CAB39L: variants seen among roughly 807,000 people sequenced by gnomAD.
CAB39L encodes calcium binding protein 39 like.
Under a neutral mutation model 39.1 loss-of-function variants are expected in CAB39L, and 23 were observed. The ratio of observed to expected loss-of-function variants is 0.59; its 90% CI spans 0.42 to 0.83. The LOEUF (loss-of-function observed/expected upper bound fraction) is 0.83, where lower values mean the gene tolerates loss of function less well. Ranked by LOEUF, CAB39L falls within the 40% of genes least tolerant of loss-of-function variation. The pLI is 0.00. For synonymous variants in CAB39L, 126 were observed against 137.2 expected, an observed-to-expected ratio of 0.92 and a Z score of 0.57; for missense variants, 366 against 391.9, an observed-to-expected ratio of 0.93 and a Z score of 0.56.
At chr13:49,442,897 T>C (rs1423058814) in intron 1 of CAB39L, among the ~76,000 whole-genome samples, 2 of 151,712 alleles carry the variant, frequency 1.3e-5, no homozygotes, top group South Asian at 2.1e-4. Flanking sequence ...GTTGATTAGG[T>C]TGTTCATCAG....
At position 49,346,085 on chromosome 13, in the gene CAB39L, T is replaced by TATGCTAC. The variant is rs1179443677; in HGVS notation, c.565-1848_565-1847insGTAGCAT. ...TATATATATATGCTAGATATATATA[T>TATGCTAC]ATATATATATGCTAGATATATATAT... On this transcript the variant is annotated intron_variant, in intron 7 of 10. Transcript: ENST00000409308. 6.1e-3 allele frequency among the ~76,000 whole-genome samples: 735 copies of TATGCTAC among 120,126 alleles called. 21 individuals are homozygous for TATGCTAC. Among genetic ancestry groups the TATGCTAC allele is most frequent in the South Asian group, 0.034 (118 of 3,492 alleles). The allele number at this position is 120,126 out of a possible 152,430, so 78.8% of individuals were successfully genotyped here.
At chr13:49,440,243 T>C (rs755459046) in intron 1 of CAB39L, among the ~76,000 whole-genome samples, 9 of 152,154 alleles carry the variant, frequency 5.9e-5, no homozygotes, top group Non-Finnish European at 8.8e-5. Flanking sequence ...CCATCTTGAA[T>C]TGATTTTTGT....
At chr13:49,432,529 CT>C (rs1316587761) in intron 3 of CAB39L, among the ~76,000 whole-genome samples, 1 of 152,082 alleles carries the variant, frequency 6.6e-6, no homozygotes, top group Non-Finnish European at 1.5e-5. Context: ...GACTCTTGCT[CT>C]TGGTGTTTTG....
intron 10 of CAB39L, among the ~76,000 whole-genome samples, chr13:49,328,379 C>T (rs1210178460): frequency 6.6e-6 from 1 of 152,146 alleles, no homozygotes; most frequent in Non-Finnish European, 1.5e-5. Flanking sequence ...AATCAGGTTT[C>T]CTCATCTGTA....
rs1260674766 is a variant in CAB39L, at chr13:49,377,823, G to A, written c.112-692C>T. ...TCTGCCCGGCCGCCACCCCGTCTGG[G>A]ATGTGAGGAGCCCCTCTGCCTGGCT... On this transcript the variant is annotated intron_variant, in intron 4 of 10. Transcript: ENST00000409308. 4.1e-5 allele frequency among the ~76,000 whole-genome samples: 4 copies of A among 96,640 alleles called. 1 individual carries two copies. The highest frequency in any genetic ancestry group is 3.2e-4 in the South Asian group (1 of 3,092). 63.4% of individuals were successfully genotyped at this position (96,640 alleles called of 152,430 possible).
chr13:49,408,009 T>G (rs9535233), intron 3 of CAB39L, among the ~76,000 whole-genome samples: 34,114 of 152,010 alleles, frequency 0.22, 3,867 homozygotes, highest in African/African-American at 0.23. Flanking sequence ...CTAAATAATT[T>G]GCGGACAAAA....
At chr13:49,387,397 G>A (rs1268282776) in intron 3 of CAB39L, among the ~76,000 whole-genome samples, 1 of 152,166 alleles carries the variant, frequency 6.6e-6, no homozygotes, top group Non-Finnish European at 1.5e-5. Flanking sequence ...GCAGGCAGTG[G>A]GGACAGGAAA....
chr13:49,329,940 T>C (rs1047452808), intron 10 of CAB39L, among the ~76,000 whole-genome samples: 1 of 152,120 alleles, frequency 6.6e-6, no homozygotes, highest in African/African-American at 2.4e-5. Context: ...TTTATCTAAC[T>C]GCATGCTGGT....
chr13:49,350,813 G>A lies in CAB39L; in HGVS notation c.495C>T (p.Phe165=). Residue 165 remains phenylalanine, a synonymous_variant, in exon 7 of 11, where the codon TTC becomes TTT. Coordinates refer to ENST00000409308, the MANE Select transcript of CAB39L (RefSeq NM_001079670.3). ...ACTCCACGTACTTAAAGAAATCTCTGAATTGATTAGAAAAGAGGATGATTT... is the reference window on the plus strand; with the variant it reads ...ACTCCACGTACTTAAAGAAATCTCTAAATTGATTAGAAAAGAGGATGATTT... The part of the protein sequence containing the change: ...LAKIILFSNQ[F]RDFFKYVELS... 1 of 1,611,138 alleles carries A rather than the reference G, an allele frequency of 6.2e-7. No individual in the cohort carries two copies. The highest frequency in any genetic ancestry group is 1.7e-4 in the Middle Eastern group (1 of 6,056).
chr13:49,316,490 C>G (rs1954162654), intron 10 of CAB39L, among the ~76,000 whole-genome samples: 1 of 152,044 alleles, frequency 6.6e-6, no homozygotes, highest in Non-Finnish European at 1.5e-5. Flanking sequence ...CCAGTATTAC[C>G]CAAATACCAA....
At chr13:49,400,064 G>T (rs1329377822) in intron 3 of CAB39L, among the ~76,000 whole-genome samples, 1 of 152,046 alleles carries the variant, frequency 6.6e-6, no homozygotes, top group African/African-American at 2.4e-5. Flanking sequence ...CCATTTTATG[G>T]TCTATCTAGG....
rs1246949042 is a variant in CAB39L, at chr13:49,434,233, T to C, written c.-245-10A>G. The C allele has an allele frequency of 2.2e-6, 1 of 449,374 alleles. No individual in the cohort carries two copies. Among genetic ancestry groups the C allele is most frequent in the Non-Finnish European group, 4.5e-6 (1 of 224,482 alleles). 27.8% of individuals were successfully genotyped at this position (449,374 alleles called of 1,614,324 possible). A position where few individuals can be genotyped will look rare whatever the true frequency, so the allele number is the denominator to read the frequency against. ...ATATTTGATGGATATCCTGCAATAA[T>C]GTAGGAAAAACAGCACAGGCTTTGG... On this transcript the variant is annotated splice_polypyrimidine_tract_variant and intron_variant, in intron 1 of 10. Transcript: ENST00000409308.
intron 9 of CAB39L, among the ~76,000 whole-genome samples, chr13:49,333,226 A>G (rs1333001786): frequency 6.6e-6 from 1 of 152,188 alleles, no homozygotes; most frequent in Non-Finnish European, 1.5e-5. Flanking sequence ...TCTCATACAC[A>G]TGGAATAGCA....
At position 49,376,999 on chromosome 13, in the gene CAB39L, G is replaced by T. The variant is rs1383732347; in HGVS notation, c.244C>A (p.Leu82Met). The change falls in exon 5 of 11, where the codon CTG becomes ATG. Residue 82 changes from leucine (L) to methionine (M), a missense_variant. Leu to Met is a conservative substitution (Grantham distance 15). Transcript: ENST00000409308. ...TCTATCAGCTGCAGGTCAGCTATCA[G>T]TGTCACTAGCAGGCCACTGCTGTAG... Reference protein sequence around the residue: ...ELYSSGLLVTLIADLQLIDFE... With the variant: ...ELYSSGLLVTMIADLQLIDFE... The T allele has an allele frequency of 6.2e-7, 1 of 1,612,572 alleles. No homozygotes were observed. The highest frequency in any genetic ancestry group is 8.5e-7 in the Non-Finnish European group (1 of 1,178,980).
chr13:49,407,916 C>T (rs185577811), intron 3 of CAB39L, among the ~76,000 whole-genome samples: 138 of 146,720 alleles, frequency 9.4e-4, no homozygotes, highest in Non-Finnish European at 9.6e-4. Context: ...GAAGCAAATG[C>T]TATGTGAATG....
intron 1 of CAB39L, among the ~76,000 whole-genome samples, chr13:49,436,308 A>C (rs1430220094): frequency 6.6e-6 from 1 of 152,230 alleles, no homozygotes; most frequent in Non-Finnish European, 1.5e-5. Context: ...GATTGGAGTC[A>C]TCTCTTATTT....
chr13:49,441,541 TG>T (rs1957524346), intron 1 of CAB39L, among the ~76,000 whole-genome samples: 1 of 152,110 alleles, frequency 6.6e-6, no homozygotes, highest in Non-Finnish European at 1.5e-5. Context: ...TATTCCAGCC[TG>T]GGCAACATAG....
intron 3 of CAB39L, among the ~76,000 whole-genome samples, chr13:49,390,695 T>C (rs1225085885): frequency 1.3e-5 from 2 of 152,140 alleles, no homozygotes; most frequent in Non-Finnish European, 2.9e-5. Context: ...TGAGAAAACA[T>C]TCTTGGAACT....
At chr13:49,347,097 T>A (rs558105451) in intron 7 of CAB39L, among the ~76,000 whole-genome samples, 10 of 148,404 alleles carry the variant, frequency 6.7e-5, no homozygotes, top group East Asian at 2.0e-4. Flanking sequence ...CCAGCTACTT[T>A]AAAAAAAAAA....
Sources: gnomAD v4.1 joint callset for allele counts (sites outside exome capture counted in the v4.1 genomes callset) on GRCh38, gnomAD v4.1.1 for gene constraint, MANE v1.5 for transcripts, NCBI Gene and HGNC (gene_info 2026-07-23, HGNC 2026-07-21) for gene names.